The following ENO4 variants were observed in gnomAD, a reference collection of about 807,000 sequenced individuals.
ENO4 encodes the protein enolase 4.
Under a neutral mutation model 63.2 loss-of-function variants are expected in ENO4, and 53 were observed. The ratio of observed to expected loss-of-function variants is 0.84; its 90% CI spans 0.67 to 1.05. The LOEUF is 1.05. Ranked by LOEUF, ENO4 falls within the 50% of genes least tolerant of loss-of-function variation. ENO4 has a pLI of 0.00. For synonymous variants in ENO4, 266 were observed against 283.8 expected (o/e 0.94, Z 0.63); for missense variants, 719 against 772.0 (o/e 0.93, Z 0.81).
chr10:116,886,476 A>G (rs1847167531), downstream of ENO4: 1 of 1,614,024 alleles, frequency 6.2e-7, no homozygotes, highest in African/African-American at 1.3e-5. Context: ...TTTGGGGTTC[A>G]TGTGTAGAAA....
At chr10:116,905,644 T>A (rs1440189051) in intron 10 of ENO4, among the ~76,000 whole-genome samples, 3 of 152,188 alleles carry the variant, frequency 2.0e-5, no homozygotes, top group African/African-American at 7.2e-5. Flanking sequence ...ATCTTTAATA[T>A]TCTTGCTACT....
chr10:116,849,511 C>A lies in ENO4; in HGVS notation c.-56C>A. The A allele has an allele frequency of 6.9e-7, 1 of 1,451,352 alleles. No individual in the cohort carries two copies. The highest frequency in any genetic ancestry group is 9.1e-7 in the Non-Finnish European group (1 of 1,096,398). 89.9% of individuals were successfully genotyped at this position (1,451,352 alleles called of 1,614,324 possible). A position where few individuals can be genotyped will look rare whatever the true frequency, so the allele number is the denominator to read the frequency against. ...ATCACGTTGCGTTGCCTAGCGACAGCAGGGACGCTCGTGGGACCCCAGGCT... is the reference window on the plus strand; with the variant it reads ...ATCACGTTGCGTTGCCTAGCGACAGAAGGGACGCTCGTGGGACCCCAGGCT... On this transcript the variant is annotated 5_prime_UTR_variant, in exon 1 of 14. Transcript: ENST00000341276.
At position 116,863,356 on chromosome 10, in the gene ENO4, T is replaced by TCACACACACACACA. The variant is rs10646641; in HGVS notation, c.990+522_990+535dup. ...GGACCCAATCCTTGTCTGTGGGGCT[T>TCACACACACACACA]CACACACACACACACACACACACAC... On this transcript the variant is annotated intron_variant, in intron 7 of 13. Transcript: ENST00000341276. Among the ~76,000 whole-genome samples, 96 of 147,402 alleles carry TCACACACACACACA rather than the reference T, an allele frequency of 6.5e-4. 1 individual carries two copies. The highest frequency in any genetic ancestry group is 1.5e-3 in the Admixed American group (22 of 14,748).
intron 10 of ENO4, among the ~76,000 whole-genome samples, chr10:116,904,835 C>T (rs902278812): frequency 4.6e-5 from 7 of 152,066 alleles, no homozygotes; most frequent in East Asian, 3.8e-4. Context: ...TCTGGAGAAA[C>T]GAAAAAGCCA....
intron 7 of ENO4, chr10:116,864,233 G>C (rs574921618): frequency 6.6e-6 from 1 of 152,274 alleles, no homozygotes; most frequent in African/African-American, 2.4e-5. Flanking sequence ...AACACTTTGG[G>C]AGGCCAAGGC....
chr10:116,893,597 C>CACACACACACACACACA (rs3981216), intron 10 of ENO4, among the ~76,000 whole-genome samples: 2 of 151,342 alleles, frequency 1.3e-5, no homozygotes, highest in African/African-American at 4.9e-5. Context: ...CACACACACA[C>CACACACACACACACACA]GAGAAAGAAA....
intron 10 of ENO4, chr10:116,906,535 C>T: frequency 7.8e-7 from 1 of 1,288,800 alleles, no homozygotes; most frequent in Non-Finnish European, 1.0e-6. Flanking sequence ...TTTAATAATA[C>T]TTTTTAAAAG....
intron 1 of ENO4, among the ~76,000 whole-genome samples, chr10:116,852,178 G>A (rs1000780247): frequency 3.3e-5 from 5 of 152,156 alleles, no homozygotes; most frequent in Admixed American, 1.3e-4. Flanking sequence ...GAAGAAGGAT[G>A]TGTTTGCTTC....
At chr10:116,849,963 G>A in intron 1 of ENO4, 2 of 699,534 alleles carry the variant, frequency 2.9e-6, no homozygotes, top group Non-Finnish European at 5.2e-6. Context: ...GAGGAAAGAG[G>A]GCGCTAGGCG....
intron 11 of ENO4, among the ~76,000 whole-genome samples, chr10:116,878,881 C>T (rs1564853567): frequency 6.6e-6 from 1 of 151,404 alleles, no homozygotes; most frequent in African/African-American, 2.4e-5. Flanking sequence ...GTAGCTGGGA[C>T]TACAGGTGCC....
chr10:116,865,376 G>A (rs867036728), intron 7 of ENO4, among the ~76,000 whole-genome samples: 4 of 151,928 alleles, frequency 2.6e-5, no homozygotes, highest in Non-Finnish European at 5.9e-5. Flanking sequence ...TAGTAGAGAC[G>A]GGGTTTCACT....
chr10:116,850,204 C>T, intron 1 of ENO4: 1 of 228,326 alleles, frequency 4.4e-6, no homozygotes, highest in Non-Finnish European at 8.8e-6. Context: ...CCTCATCCTA[C>T]TGGCTCCTCT....
At chr10:116,878,098 T>C (rs1194295295) in intron 11 of ENO4, among the ~76,000 whole-genome samples, 2 of 152,222 alleles carry the variant, frequency 1.3e-5, no homozygotes, top group Non-Finnish European at 2.9e-5. Flanking sequence ...ATTTCCTCTT[T>C]GTAATACGGA....
chr10:116,868,348 CATT>C (rs1387389014), intron 7 of ENO4, among the ~76,000 whole-genome samples: 1 of 152,200 alleles, frequency 6.6e-6, no homozygotes, highest in African/African-American at 2.4e-5. Flanking sequence ...GTGAATAACA[CATT>C]ATTTATATGC....
chr10:116,870,256 G>A (rs973603259), intron 8 of ENO4, among the ~76,000 whole-genome samples: 2 of 152,108 alleles, frequency 1.3e-5, no homozygotes, highest in Non-Finnish European at 2.9e-5. Context: ...GCAATTTATG[G>A]CGAGGGCACA....
intron 1 of ENO4, among the ~76,000 whole-genome samples, chr10:116,854,940 C>CAAAAAAAAAAAAAAAAAA (rs71013620): frequency 9.6e-5 from 4 of 41,524 alleles, no homozygotes; most frequent in Non-Finnish European, 1.1e-4. Flanking sequence ...GACCCTGTCT[C>CAAAAAAAAAAAAAAAAAA]AAAAAAAAAA....
downstream of ENO4, chr10:116,883,966 G>A: frequency 5.1e-6 from 1 of 195,998 alleles, no homozygotes; most frequent in Non-Finnish European, 1.1e-5. Flanking sequence ...ATGGCACAAA[G>A]TACCTCTATC....
rs576384233 is a variant in ENO4 at position 116,880,926 on chromosome 10, C to T, written c.1724-589C>T. Among the ~76,000 whole-genome samples the T allele has an allele frequency of 6.6e-5, 10 of 152,022 alleles. No individual in the cohort carries two copies. In the South Asian group the frequency reaches 1.9e-3, roughly 28 times the overall value. On this transcript the variant is annotated intron_variant, in intron 13 of 13. Transcript: ENST00000341276. ...AGGACTCTGGTGACCACAGGCTCCA[C>T]CCCTCTGTGGTGACAGTGCAGCCGC... is the stretch of plus-strand genomic sequence containing the variant.
chr10:116,880,792 CAT>C (rs1446636996), intron 13 of ENO4, among the ~76,000 whole-genome samples: 2 of 152,162 alleles, frequency 1.3e-5, no homozygotes, highest in Admixed American at 1.3e-4. Context: ...TACTGTTCCA[CAT>C]ATCTGATTAT....
Sources: allele counts gnomAD v4.1 joint callset (sites outside exome capture counted in the v4.1 genomes callset), GRCh38; gene constraint gnomAD v4.1.1; transcripts MANE v1.5; gene names NCBI Gene and HGNC (gene_info 2026-07-23, HGNC 2026-07-21).